The following CTNNA3 variants were observed in gnomAD, a reference collection of about 807,000 sequenced individuals.
CTNNA3 encodes catenin alpha 3, also known as catenin alpha-3.
CTNNA3 carries 76 observed loss-of-function variants against 95.7 expected under a neutral mutation model. That is an observed-to-expected ratio of 0.79 (90% CI 0.66 to 0.96). The LOEUF is 0.96. Among genes scored for constraint, CTNNA3 ranks in the 40% least tolerant of loss-of-function variants. CTNNA3 has a pLI of 0.00. For missense variants in CTNNA3, 1,191 were observed against 1,089.8 expected, an observed-to-expected ratio of 1.09 and a Z score of -1.31; for synonymous variants, 431 against 374.4, an observed-to-expected ratio of 1.15 and a Z score of -1.74.
chr10:66,392,996 A>G (rs937041304), intron 11 of CTNNA3, among the ~76,000 whole-genome samples: 10 of 152,140 alleles, frequency 6.6e-5, no homozygotes, highest in Non-Finnish European at 5.9e-5. Flanking sequence ...GGTGTAACCA[A>G]CATGTTCTTC....
At chr10:66,872,354 A>C (rs1010614507) in intron 7 of CTNNA3, among the ~76,000 whole-genome samples, 1 of 152,126 alleles carries the variant, frequency 6.6e-6, no homozygotes, top group Non-Finnish European at 1.5e-5. Flanking sequence ...TTCTGATTCT[A>C]GAGTTTATGT....
At chr10:67,290,628 C>A (rs1373354189) in intron 5 of CTNNA3, among the ~76,000 whole-genome samples, 2 of 152,022 alleles carry the variant, frequency 1.3e-5, no homozygotes, top group African/African-American at 4.8e-5. Context: ...ACTGAGGCAA[C>A]AAGAGGTAAG....
At chr10:67,468,048 G>A (rs1847669205) in intron 5 of CTNNA3, among the ~76,000 whole-genome samples, 1 of 151,088 alleles carries the variant, frequency 6.6e-6, no homozygotes, top group Admixed American at 6.6e-5. Flanking sequence ...TTTAAGTTCA[G>A]AGGTACACAC....
chr10:67,111,301 A>T (rs979438621), intron 7 of CTNNA3, among the ~76,000 whole-genome samples: 3 of 152,162 alleles, frequency 2.0e-5, no homozygotes, highest in East Asian at 3.8e-4. Context: ...CATAAATAAG[A>T]TTATATTTCA....
intron 5 of CTNNA3, among the ~76,000 whole-genome samples, chr10:67,304,727 G>C (rs1840467359): frequency 6.6e-6 from 1 of 151,844 alleles, no homozygotes; most frequent in Non-Finnish European, 1.5e-5. Flanking sequence ...TGACTCAAAG[G>C]AAAAAGGAAA....
rs987344508 is a variant in CTNNA3 at position 66,073,048 on chromosome 10, C to T, written c.1978-3559G>A. Among the ~76,000 whole-genome samples the T allele has an allele frequency of 7.2e-5, 11 of 151,970 alleles. No individual in the cohort carries two copies. In the East Asian group the frequency reaches 1.7e-3, roughly 24 times the overall value. On this transcript the variant is annotated intron_variant, in intron 14 of 17. Transcript: ENST00000433211. The stretch of plus-strand genomic sequence containing the variant: ...CACTGAATGATGAGTACCACATGAC[C>T]TCACTCATATGCAGAATCTAAAAAC...
intron 7 of CTNNA3, among the ~76,000 whole-genome samples, chr10:66,888,224 A>G (rs1845120531): frequency 6.6e-6 from 1 of 152,194 alleles, no homozygotes; most frequent in African/African-American, 2.4e-5. Context: ...CAAGAAGCTG[A>G]GAGTGGCCTG....
At chr10:67,543,265 T>G (rs1840739025) in intron 3 of CTNNA3, among the ~76,000 whole-genome samples, 1 of 151,982 alleles carries the variant, frequency 6.6e-6, no homozygotes, top group Non-Finnish European at 1.5e-5. Flanking sequence ...TAGAGATAAC[T>G]TTTACACACC....
chr10:66,145,583 G>T (rs1040550157), intron 13 of CTNNA3, among the ~76,000 whole-genome samples: 17 of 152,082 alleles, frequency 1.1e-4, no homozygotes, highest in African/African-American at 3.4e-4. Context: ...GAAGAAAATG[G>T]TCTTGTGGAA....
intron 5 of CTNNA3, among the ~76,000 whole-genome samples, chr10:67,420,928 T>A (rs903737974): frequency 1.8e-4 from 28 of 152,124 alleles, no homozygotes; most frequent in African/African-American, 6.8e-4. Context: ...TTGTTGTTGT[T>A]CTAAAGAAAA....
chr10:66,709,310 C>T (rs138124806), intron 9 of CTNNA3, among the ~76,000 whole-genome samples: 85 of 152,058 alleles, frequency 5.6e-4, no homozygotes, highest in African/African-American at 1.9e-3. Context: ...CCAAAAGGGG[C>T]CTTGACATAG....
At chr10:66,883,038 C>T (rs970316615) in intron 7 of CTNNA3, among the ~76,000 whole-genome samples, 1 of 151,960 alleles carries the variant, frequency 6.6e-6, no homozygotes, top group Admixed American at 6.6e-5. Context: ...TTTTTAAGAG[C>T]TCCTGGAGAT....
chr10:67,240,567 C>T (rs1865679668), intron 5 of CTNNA3, among the ~76,000 whole-genome samples: 1 of 152,082 alleles, frequency 6.6e-6, no homozygotes. Flanking sequence ...ACTTTTCTAT[C>T]CTTATTTCCC....
chr10:67,587,373 C>A (rs1302005362), intron 3 of CTNNA3, among the ~76,000 whole-genome samples: 3 of 151,894 alleles, frequency 2.0e-5, no homozygotes, highest in Non-Finnish European at 4.4e-5. Context: ...GTTCAGGATT[C>A]CCTTGGGAAT....
intron 5 of CTNNA3, among the ~76,000 whole-genome samples, chr10:67,413,369 A>G (rs1180601666): frequency 2.0e-5 from 3 of 152,170 alleles, no homozygotes; most frequent in African/African-American, 7.2e-5. Context: ...ATAACAATAA[A>G]GGATACAGTC....
chr10:67,308,064 A>C (rs1183213272), intron 5 of CTNNA3, among the ~76,000 whole-genome samples: 2 of 152,030 alleles, frequency 1.3e-5, no homozygotes, highest in African/African-American at 4.8e-5. Context: ...TTCTCATAAA[A>C]CTCCAATCAT....
At chr10:67,031,493 C>A (rs1006330599) in intron 7 of CTNNA3, among the ~76,000 whole-genome samples, 6 of 152,138 alleles carry the variant, frequency 3.9e-5, no homozygotes, top group Admixed American at 1.3e-4. Flanking sequence ...GAAAATTTAT[C>A]ATTTTCCTGA....
chr10:66,597,221 AAGC>A (rs1278708503), intron 10 of CTNNA3, among the ~76,000 whole-genome samples: 2 of 151,810 alleles, frequency 1.3e-5, no homozygotes, highest in Admixed American at 1.3e-4. Context: ...GGAGCCCTAT[AAGC>A]AGCAGAGAAA....
At chr10:67,688,789 C>A (rs1331684837) in intron 1 of CTNNA3, among the ~76,000 whole-genome samples, 1 of 152,106 alleles carries the variant, frequency 6.6e-6, no homozygotes, top group Non-Finnish European at 1.5e-5. Context: ...GTCCCTGGAC[C>A]CTGCTGATTG....
Sources: gnomAD v4.1 joint callset for allele counts (sites outside exome capture counted in the v4.1 genomes callset) on GRCh38, gnomAD v4.1.1 for gene constraint, MANE v1.5 for transcripts, NCBI Gene and HGNC (gene_info 2026-07-23, HGNC 2026-07-21) for gene names.